SCAMP1: variants seen among roughly 807,000 people sequenced by gnomAD.
SCAMP1 encodes secretory carrier membrane protein 1.
A neutral mutation model predicts 41.8 loss-of-function variants in SCAMP1; 15 were observed. The observed-to-expected ratio is 0.36, with a 90% CI of 0.24 to 0.55. The LOEUF is 0.55. Among genes scored for constraint, SCAMP1 ranks in the 20% least tolerant of loss-of-function variants. The probability of loss-of-function intolerance (pLI) is 0.86; values close to 1 mark genes in which losing one functional copy is unlikely to be tolerated. For missense variants in SCAMP1, 341 were observed against 412.6 expected, an observed-to-expected ratio of 0.83 and a Z score of 1.50; for synonymous variants, 135 against 136.8, an observed-to-expected ratio of 0.99 and a Z score of 0.09.
At chr5:78,469,791 G>A (rs1753828166) in intron 8 of SCAMP1, among the ~76,000 whole-genome samples, 1 of 150,006 alleles carries the variant, frequency 6.7e-6, no homozygotes, top group East Asian at 2.0e-4. Context: ...CACTTTGGGA[G>A]GGTTTGGGGG....
chr5:78,468,804 T>A (rs1222407978), intron 8 of SCAMP1, among the ~76,000 whole-genome samples: 2 of 152,178 alleles, frequency 1.3e-5, no homozygotes, highest in African/African-American at 4.8e-5. Context: ...ACACTGTGAT[T>A]AAGTCTCATT....
At chr5:78,445,607 C>G (rs2112198412) in intron 6 of SCAMP1, among the ~76,000 whole-genome samples, 1 of 152,182 alleles carries the variant, frequency 6.6e-6, no homozygotes, top group African/African-American at 2.4e-5. Flanking sequence ...CTTCTGAATG[C>G]CAATAGAAGT....
At chr5:78,388,807 C>A in intron 1 of SCAMP1, 30 bp from the exon 2 acceptor site, 1 of 1,197,722 alleles carries the variant, frequency 8.3e-7, no homozygotes, top group Non-Finnish European at 1.2e-6. Flanking sequence ...GATAAGTAAT[C>A]TTTTTTTTCT....
intron 2 of SCAMP1, among the ~76,000 whole-genome samples, chr5:78,393,661 A>G (rs1751573660): frequency 6.6e-6 from 1 of 152,012 alleles, no homozygotes; most frequent in African/African-American, 2.4e-5. Context: ...TTATGAAATA[A>G]TTTTTTTTGT....
intron 6 of SCAMP1, among the ~76,000 whole-genome samples, chr5:78,422,457 C>T (rs1032659443): frequency 9.2e-5 from 14 of 151,846 alleles, no homozygotes; most frequent in East Asian, 1.9e-4. Flanking sequence ...ATTTTAAAAA[C>T]GATTTATGCT....
intron 8 of SCAMP1, among the ~76,000 whole-genome samples, chr5:78,462,808 A>AT (rs959202546): frequency 6.6e-6 from 1 of 152,080 alleles, no homozygotes; most frequent in Non-Finnish European, 1.5e-5. Flanking sequence ...TTAAAGTTTT[A>AT]TTTTGTCTTG....
intron 2 of SCAMP1, among the ~76,000 whole-genome samples, chr5:78,397,821 G>C (rs1172854319): frequency 6.6e-6 from 1 of 152,152 alleles, no homozygotes; most frequent in Non-Finnish European, 1.5e-5. Flanking sequence ...CTCCTTAGAA[G>C]ATAAATGGCC....
chr5:78,459,746 C>G (rs1406592846), intron 8 of SCAMP1, among the ~76,000 whole-genome samples: 2 of 151,868 alleles, frequency 1.3e-5, no homozygotes, highest in Non-Finnish European at 2.9e-5. Flanking sequence ...ATATATATCT[C>G]TTAGGTTTTT....
At chr5:78,398,927 C>T (rs946462035) in intron 2 of SCAMP1, among the ~76,000 whole-genome samples, 4 of 152,050 alleles carry the variant, frequency 2.6e-5, no homozygotes, top group East Asian at 3.9e-4. Context: ...AACATCATAC[C>T]GAATAGTTTC....
At chr5:78,434,972 A>G (rs989613389) in intron 6 of SCAMP1, among the ~76,000 whole-genome samples, 3 of 152,226 alleles carry the variant, frequency 2.0e-5, no homozygotes, top group African/African-American at 2.4e-5. Context: ...TGATTTTTAA[A>G]AGGAAATATG....
chr5:78,466,126 A>G, intron 8 of SCAMP1, among the ~76,000 whole-genome samples: 1 of 152,388 alleles, frequency 6.6e-6, no homozygotes, highest in Non-Finnish European at 1.5e-5. Context: ...TTATAGAAGT[A>G]GAAATGTAAT....
At chr5:78,388,816 C>G (rs773532576) in intron 1 of SCAMP1, 21 bp from the exon 2 acceptor site, 2 of 1,297,504 alleles carry the variant, frequency 1.5e-6, no homozygotes, top group East Asian at 2.4e-5. Flanking sequence ...TCTTTTTTTT[C>G]TCCTTTGAAT....
At chr5:78,400,261 GA>G (rs1340532649) in intron 2 of SCAMP1, among the ~76,000 whole-genome samples, 2 of 152,156 alleles carry the variant, frequency 1.3e-5, no homozygotes, top group African/African-American at 2.4e-5. Flanking sequence ...ATACTGTATG[GA>G]TTACTGTTAC....
Position 78,480,461 on chromosome 5 carries a change from GAT to G in SCAMP1, c.*4795_*4796del, listed in dbSNP as rs1754115522. On this transcript the variant is annotated 3_prime_UTR_variant, in exon 9 of 9. Coordinates refer to ENST00000621999, the MANE Select transcript of SCAMP1 (RefSeq NM_004866.6). The stretch of plus-strand genomic sequence containing the variant: ...TATTTTGTATGCCAGTGATTCTCAA[GAT>G]AAATCATGATTGTAGTAGTTGTTAC... 6.6e-6 allele frequency among the ~76,000 whole-genome samples: 1 copy of G among 152,146 alleles called. No homozygotes were observed. The highest frequency in any genetic ancestry group is 1.5e-5 in the Non-Finnish European group (1 of 68,022).
rs1561290886 is a variant in SCAMP1, at chr5:78,469,899, A to C, written c.853-5605A>C. On this transcript the variant is annotated intron_variant, in intron 8 of 8. Transcript: ENST00000621999. ...ACCCCTTACAAGACATTAAAAAAAA[A>C]AAAAAAAAAAAAACAAAAAAAAAAA... Among the ~76,000 whole-genome samples, 5 of 35,866 alleles carry C rather than the reference A, an allele frequency of 1.4e-4. No homozygotes were observed. In the East Asian group the frequency reaches 4.5e-3, roughly 33 times the overall value. The allele number at this position is 35,866 out of a possible 152,430, so 23.5% of individuals were successfully genotyped here.
chr5:78,440,863 C>T lies in SCAMP1; in HGVS notation c.633-9070C>T, dbSNP rs887403553. Among the ~76,000 whole-genome samples the T allele has an allele frequency of 4.6e-5, 7 of 152,202 alleles. 1 individual carries two copies. The highest frequency in any genetic ancestry group is 6.3e-3 in the Middle Eastern group (2 of 316). ...GAGTTGTGGTGGGCTCCACCCAGTT[C>T]GAGCTTCCCAGCAGCTTTCTTTACC... On this transcript the variant is annotated intron_variant, in intron 6 of 8. Transcript: ENST00000621999.
At chr5:78,425,213 A>G (rs891642213) in intron 6 of SCAMP1, among the ~76,000 whole-genome samples, 2 of 152,220 alleles carry the variant, frequency 1.3e-5, no homozygotes, top group African/African-American at 4.8e-5. Context: ...TCAAAGTAGT[A>G]CTTTCTCCCA....
At chr5:78,437,783 G>A (rs1323762314) in intron 6 of SCAMP1, among the ~76,000 whole-genome samples, 1 of 152,202 alleles carries the variant, frequency 6.6e-6, no homozygotes, top group African/African-American at 2.4e-5. Flanking sequence ...AGTTTCAGAA[G>A]GAATGGTACC....
intron 8 of SCAMP1, 52 bp downstream of exon 8, chr5:78,459,414 T>C (rs1580713968): frequency 2.2e-6 from 2 of 893,156 alleles, no homozygotes; most frequent in East Asian, 5.2e-5. Flanking sequence ...TGTAAAGTTC[T>C]CATTTTCCTA....
Sources: gnomAD v4.1 joint callset for allele counts (sites outside exome capture counted in the v4.1 genomes callset) on GRCh38, gnomAD v4.1.1 for gene constraint, MANE v1.5 for transcripts, NCBI Gene and HGNC (gene_info 2026-07-23, HGNC 2026-07-21) for gene names.